SCFD2: variants seen among roughly 807,000 people sequenced by gnomAD.
The protein encoded by SCFD2 is sec1 family domain containing 2.
Under a neutral mutation model 58.9 loss-of-function variants are expected in SCFD2, and 54 were observed. That is an observed-to-expected ratio of 0.92 (90% CI 0.74 to 1.15). SCFD2 has a LOEUF of 1.15. SCFD2 is among the 50% of genes most tolerant of loss of function. SCFD2 has a pLI of 0.00. For missense variants in SCFD2, 805 were observed against 836.6 expected, an observed-to-expected ratio of 0.96 and a Z score of 0.47; for synonymous variants, 321 against 335.9, an observed-to-expected ratio of 0.96 and a Z score of 0.49.
At chr4:53,261,328 A>C (rs1730822415) in intron 4 of SCFD2, among the ~76,000 whole-genome samples, 1 of 151,770 alleles carries the variant, frequency 6.6e-6, no homozygotes, top group African/African-American at 2.4e-5. Flanking sequence ...ACCTTAGTTT[A>C]TCTATTCGTG....
At chr4:53,363,396 C>A (rs1578006416) in intron 1 of SCFD2, among the ~76,000 whole-genome samples, 1 of 151,878 alleles carries the variant, frequency 6.6e-6, no homozygotes. Context: ...CAGTCTGCCC[C>A]CCTCAGCCTC....
chr4:53,253,249 G>A (rs1730466792), intron 4 of SCFD2, among the ~76,000 whole-genome samples: 2 of 152,330 alleles, frequency 1.3e-5, no homozygotes, highest in South Asian at 4.1e-4. Flanking sequence ...ACAGGTGCTG[G>A]AGAGGATGTG....
intron 2 of SCFD2, among the ~76,000 whole-genome samples, chr4:53,324,043 T>C (rs6810475): frequency 3.3e-5 from 5 of 151,986 alleles, no homozygotes; most frequent in African/African-American, 1.2e-4. Context: ...TAGGAAGGCA[T>C]TGAACAACTT....
At chr4:53,262,580 C>T (rs927101143) in intron 4 of SCFD2, among the ~76,000 whole-genome samples, 6 of 152,104 alleles carry the variant, frequency 3.9e-5, no homozygotes, top group Admixed American at 2.0e-4. Context: ...AAATAGGACC[C>T]CAATCCCTTC....
chr4:53,335,220 A>AAC (rs1733644448), intron 2 of SCFD2, among the ~76,000 whole-genome samples: 1 of 149,580 alleles, frequency 6.7e-6, no homozygotes, highest in African/African-American at 2.5e-5. Context: ...AAAACAACAA[A>AAC]AAAAAAAACA....
At chr4:53,050,790 C>T (rs1326876397) in intron 5 of SCFD2, among the ~76,000 whole-genome samples, 1 of 152,164 alleles carries the variant, frequency 6.6e-6, no homozygotes, top group East Asian at 1.9e-4. Flanking sequence ...CATCTGGCTC[C>T]TGCCTCTCTT....
intron 5 of SCFD2, among the ~76,000 whole-genome samples, chr4:52,987,456 C>A (rs73144990): frequency 0.02 from 3,079 of 152,288 alleles, 114 homozygotes; most frequent in African/African-American, 0.071. Flanking sequence ...CACAAACTTT[C>A]CGCCTCAAAA....
chr4:52,911,376 A>G (rs1719481728), intron 6 of SCFD2, among the ~76,000 whole-genome samples: 2 of 152,218 alleles, frequency 1.3e-5, no homozygotes, highest in Admixed American at 6.5e-5. Flanking sequence ...CATCCAGGAG[A>G]AAATGCTCAC....
chr4:53,335,504 C>T (rs1733656411), intron 2 of SCFD2, among the ~76,000 whole-genome samples: 1 of 152,070 alleles, frequency 6.6e-6, no homozygotes, highest in South Asian at 2.1e-4. Context: ...GTCTAATCTA[C>T]AATATATATC....
intron 4 of SCFD2, among the ~76,000 whole-genome samples, chr4:53,203,031 C>T (rs1728299658): frequency 6.6e-6 from 1 of 152,188 alleles, no homozygotes; most frequent in South Asian, 2.1e-4. Flanking sequence ...CTTCTCCTGC[C>T]TGATTGCCCT....
intron 7 of SCFD2, among the ~76,000 whole-genome samples, chr4:52,897,252 C>T (rs1297188975): frequency 1.3e-5 from 2 of 152,170 alleles, no homozygotes; most frequent in Non-Finnish European, 2.9e-5. Flanking sequence ...AAAGGGAATG[C>T]TTCCAGTTTT....
intron 3 of SCFD2, among the ~76,000 whole-genome samples, chr4:53,278,559 C>CA (rs1731408132): frequency 6.6e-6 from 1 of 151,516 alleles, no homozygotes; most frequent in African/African-American, 2.4e-5. Flanking sequence ...ATTTTTTATC[C>CA]AATCAGCATT....
intron 4 of SCFD2, among the ~76,000 whole-genome samples, chr4:53,188,449 G>GTA (rs1176045470): frequency 6.6e-6 from 1 of 151,292 alleles, no homozygotes; most frequent in Non-Finnish European, 1.5e-5. Flanking sequence ...GTGTGTGTGT[G>GTA]TGTGTGTGTG....
intron 5 of SCFD2, among the ~76,000 whole-genome samples, chr4:53,073,446 C>T (rs1577705311): frequency 6.6e-6 from 1 of 152,010 alleles, no homozygotes; most frequent in South Asian, 2.1e-4. Context: ...TGATCGAGTC[C>T]CTATAATTTA....
At chr4:53,142,200 G>A (rs1198149725) in intron 5 of SCFD2, among the ~76,000 whole-genome samples, 1 of 152,126 alleles carries the variant, frequency 6.6e-6, no homozygotes, top group Non-Finnish European at 1.5e-5. Flanking sequence ...CTGTGTTTGT[G>A]ATTTTCAGGA....
chr4:53,152,986 TGCCCCTGTG>T (rs557735169), intron 4 of SCFD2, among the ~76,000 whole-genome samples: 1 of 152,310 alleles, frequency 6.6e-6, no homozygotes, highest in South Asian at 2.1e-4. Context: ...TTGACAGCCC[TGCCCCTGTG>T]GCTTTGAAGG....
At chr4:53,258,197 G>A (rs994892046) in intron 4 of SCFD2, among the ~76,000 whole-genome samples, 1 of 152,022 alleles carries the variant, frequency 6.6e-6, no homozygotes, top group African/African-American at 2.4e-5. Flanking sequence ...AATAGGTTTT[G>A]GAGAAACAAA....
intron 5 of SCFD2, among the ~76,000 whole-genome samples, chr4:53,046,627 T>C (rs17082328): frequency 0.29 from 43,361 of 151,966 alleles, 7,504 homozygotes; most frequent in Non-Finnish European, 0.37. Context: ...TCTGGTTCAA[T>C]GGTACCTGAC....
intron 5 of SCFD2, among the ~76,000 whole-genome samples, chr4:53,135,787 C>T (rs6825229): frequency 0.3 from 44,961 of 151,892 alleles, 7,143 homozygotes; most frequent in Non-Finnish European, 0.35. Flanking sequence ...CCACCACTCC[C>T]TATTGTCCCT....
Sources: allele counts gnomAD v4.1 joint callset (sites outside exome capture counted in the v4.1 genomes callset), GRCh38; gene constraint gnomAD v4.1.1; transcripts MANE v1.5; gene names NCBI Gene and HGNC (gene_info 2026-07-23, HGNC 2026-07-21).